The following SLC25A21 variants were observed in gnomAD, a reference collection of about 807,000 sequenced individuals.
SLC25A21 encodes mitochondrial 2-oxodicarboxylate carrier.
A neutral mutation model predicts 43.8 loss-of-function variants in SLC25A21; 47 were observed. That is an observed-to-expected ratio of 1.07 (90% CI 0.85 to 1.37). The LOEUF (loss-of-function observed/expected upper bound fraction) is 1.37, where lower values mean the gene tolerates loss of function less well. Ranked by LOEUF, SLC25A21 falls within the 40% of genes most tolerant of loss-of-function variation. SLC25A21 has a pLI of 0.00. For missense variants in SLC25A21, 352 were observed against 350.2 expected, an observed-to-expected ratio of 1.00 and a Z score of -0.04; for synonymous variants, 131 against 121.3, an observed-to-expected ratio of 1.08 and a Z score of -0.52.
chr14:37,064,012 G>A (rs1303049484), intron 1 of SLC25A21, among the ~76,000 whole-genome samples: 1 of 152,178 alleles, frequency 6.6e-6, no homozygotes, highest in Non-Finnish European at 1.5e-5. Context: ...ACTTTCAGGT[G>A]TGTCTGTAAG....
At chr14:36,918,896 TTCTC>T (rs1041997833) in intron 1 of SLC25A21, among the ~76,000 whole-genome samples, 1 of 152,038 alleles carries the variant, frequency 6.6e-6, no homozygotes, top group African/African-American at 2.4e-5. Flanking sequence ...AAATTTTTCT[TTCTC>T]TCTCTCTTAT....
intron 2 of SLC25A21, among the ~76,000 whole-genome samples, chr14:36,840,660 T>C (rs1032310871): frequency 2.6e-5 from 4 of 152,210 alleles, no homozygotes; most frequent in Non-Finnish European, 5.9e-5. Context: ...AACAACCAAA[T>C]GTTGCTATCT....
intron 1 of SLC25A21, among the ~76,000 whole-genome samples, chr14:37,161,131 A>C (rs1006760947): frequency 6.6e-6 from 1 of 152,128 alleles, no homozygotes; most frequent in African/African-American, 2.4e-5. Flanking sequence ...ACTATTCATT[A>C]CATACATGTA....
intron 1 of SLC25A21, among the ~76,000 whole-genome samples, chr14:37,022,055 AT>A (rs11297120): frequency 0.012 from 1,797 of 150,216 alleles, 33 homozygotes; most frequent in African/African-American, 0.041. Context: ...CTTCATAGGG[AT>A]TTTTTTTTTC....
intron 1 of SLC25A21, among the ~76,000 whole-genome samples, chr14:36,941,485 T>C (rs1307724863): frequency 1.3e-5 from 2 of 152,064 alleles, no homozygotes; most frequent in Admixed American, 6.6e-5. Context: ...AATTTTGATA[T>C]AAATCTTGAA....
At position 37,061,010 on chromosome 14, in the gene SLC25A21, T is replaced by G. The variant is rs147682537; in HGVS notation, c.70+111271A>C. Among the ~76,000 whole-genome samples the G allele has an allele frequency of 4.2e-4, 64 of 152,218 alleles. 1 individual carries two copies. In the East Asian group the frequency reaches 0.011, roughly 26 times the overall value. ...TGGGTGGCTGTCCCAGGAATTACAG[T>G]TCTCACAGGAAGTGAATGCAGGTGG... On this transcript the variant is annotated intron_variant, in intron 1 of 9. Transcript: ENST00000331299.
intron 1 of SLC25A21, among the ~76,000 whole-genome samples, chr14:36,878,171 T>C (rs1890602408): frequency 6.6e-6 from 1 of 152,150 alleles, no homozygotes. Context: ...AGCATAGATG[T>C]CTTGGTGTCC....
rs181936406 is a variant in SLC25A21 at position 36,918,755 on chromosome 14, C to T, written c.71-43751G>A. 6.6e-4 allele frequency among the ~76,000 whole-genome samples: 100 copies of T among 152,178 alleles called. 2 individuals are homozygous for T. The highest frequency in any genetic ancestry group is 1.8e-3 in the African/African-American group (73 of 41,552). ...ATAGAAAAAAATGCAGGAGCTATAA[C>T]TTTGTCACACATCTTTATTACCTTT... On this transcript the variant is annotated intron_variant, in intron 1 of 9. Coordinates refer to ENST00000331299, the MANE Select transcript of SLC25A21 (RefSeq NM_030631.4).
At chr14:36,703,559 A>G (rs1055323040) in intron 7 of SLC25A21, among the ~76,000 whole-genome samples, 1 of 152,226 alleles carries the variant, frequency 6.6e-6, no homozygotes, top group African/African-American at 2.4e-5. Context: ...GCAAAATTCA[A>G]CACAAAAGGT....
intron 1 of SLC25A21, among the ~76,000 whole-genome samples, chr14:36,977,755 T>C (rs1287393407): frequency 6.6e-6 from 1 of 152,158 alleles, no homozygotes; most frequent in Admixed American, 6.5e-5. Flanking sequence ...AAAGAAGTAA[T>C]GTATTACTTA....
chr14:36,835,416 T>C (rs1003594717), intron 2 of SLC25A21, among the ~76,000 whole-genome samples: 11 of 152,198 alleles, frequency 7.2e-5, no homozygotes, highest in African/African-American at 2.4e-4. Context: ...AGTGCATGAA[T>C]GGCTATTAAA....
At chr14:36,802,769 G>A (rs1887911776) in intron 3 of SLC25A21, among the ~76,000 whole-genome samples, 1 of 152,198 alleles carries the variant, frequency 6.6e-6, no homozygotes, top group Non-Finnish European at 1.5e-5. Flanking sequence ...AAAAGGGAAA[G>A]GACATTCTTG....
At chr14:37,133,158 C>G (rs1172271355) in intron 1 of SLC25A21, among the ~76,000 whole-genome samples, 2 of 151,754 alleles carry the variant, frequency 1.3e-5, no homozygotes, top group African/African-American at 4.9e-5. Context: ...CACACACACA[C>G]ACACACACAC....
intron 1 of SLC25A21, among the ~76,000 whole-genome samples, chr14:36,927,047 G>C (rs1892151893): frequency 6.6e-6 from 1 of 152,116 alleles, no homozygotes; most frequent in African/African-American, 2.4e-5. Context: ...GTGTGTGCCT[G>C]TTGTCCCAGC....
chr14:36,741,278 ACATGG>A (rs1885251014), intron 3 of SLC25A21, among the ~76,000 whole-genome samples: 1 of 152,212 alleles, frequency 6.6e-6, no homozygotes, highest in Non-Finnish European at 1.5e-5. Context: ...AGGAGCAAGA[ACATGG>A]AATATTTTCT....
intron 2 of SLC25A21, among the ~76,000 whole-genome samples, chr14:36,860,134 GAAA>G (rs71124782): frequency 1.5e-4 from 21 of 137,996 alleles, no homozygotes; most frequent in Non-Finnish European, 1.9e-4. Flanking sequence ...ATAAGGTAAT[GAAA>G]AAAAAAAAAA....
chr14:36,933,154 G>T (rs769578826), intron 1 of SLC25A21, among the ~76,000 whole-genome samples: 1 of 152,080 alleles, frequency 6.6e-6, no homozygotes, highest in Non-Finnish European at 1.5e-5. Flanking sequence ...AATTAAAACT[G>T]GAATTAGCTG....
chr14:36,947,577 C>T (rs747160548), intron 1 of SLC25A21, among the ~76,000 whole-genome samples: 7 of 152,050 alleles, frequency 4.6e-5, no homozygotes, highest in East Asian at 3.9e-4. Flanking sequence ...ATGTCTGCTC[C>T]GTAATGCATG....
intron 3 of SLC25A21, among the ~76,000 whole-genome samples, chr14:36,812,353 A>C (rs528978356): frequency 3.9e-4 from 60 of 152,088 alleles, no homozygotes; most frequent in Non-Finnish European, 7.4e-4. Flanking sequence ...TTGGAAGGTA[A>C]GTTTGTCAAC....
Sources: gnomAD v4.1 joint callset for allele counts (sites outside exome capture counted in the v4.1 genomes callset) on GRCh38, gnomAD v4.1.1 for gene constraint, MANE v1.5 for transcripts, NCBI Gene and HGNC (gene_info 2026-07-23, HGNC 2026-07-21) for gene names.